ZNF536: variants seen among roughly 807,000 people sequenced by gnomAD.
ZNF536 encodes zinc finger protein 536.
A neutral mutation model predicts 84.5 loss-of-function variants in ZNF536; 13 were observed. The ratio of observed to expected loss-of-function variants is 0.15; its 90% confidence interval spans 0.10 to 0.24. ZNF536 has a LOEUF of 0.24. Ranked by LOEUF, ZNF536 falls within the 10% of genes least tolerant of loss-of-function variation. The pLI is 1.00. For missense variants in ZNF536, 1,536 were observed against 1,747.5 expected, an observed-to-expected ratio of 0.88 and a Z score of 2.16; for synonymous variants, 811 against 742.5, an observed-to-expected ratio of 1.09 and a Z score of -1.50.
At chr19:30,613,217 A>AT (rs1189122151) in intron 1 of ZNF536, among the ~76,000 whole-genome samples, 3 of 152,064 alleles carry the variant, frequency 2.0e-5, no homozygotes, top group African/African-American at 4.8e-5. Flanking sequence ...TCAGCTGTCA[A>AT]TTTTTTTATG....
intron 2 of ZNF536, among the ~76,000 whole-genome samples, chr19:30,342,842 A>G (rs927629356): frequency 2.6e-5 from 4 of 152,370 alleles, no homozygotes; most frequent in African/African-American, 9.6e-5. Context: ...AATTGAAAGA[A>G]GTAAGAAAAA....
At chr19:30,281,351 G>A (rs987441347) in intron 1 of ZNF536, among the ~76,000 whole-genome samples, 2 of 152,138 alleles carry the variant, frequency 1.3e-5, no homozygotes, top group African/African-American at 4.8e-5. Context: ...GGAAGTTGCG[G>A]CCACTCTGTT....
At chr19:30,414,170 C>T (rs2050616721) in intron 1 of ZNF536, among the ~76,000 whole-genome samples, 1 of 147,614 alleles carries the variant, frequency 6.8e-6, no homozygotes, top group Non-Finnish European at 1.5e-5. Flanking sequence ...TATGATACTA[C>T]TATTTCACTA....
chr19:30,329,859 C>T (rs1437897970), intron 2 of ZNF536, among the ~76,000 whole-genome samples: 1 of 152,098 alleles, frequency 6.6e-6, no homozygotes, highest in Non-Finnish European at 1.5e-5. Context: ...CTTTCTCTAC[C>T]AAATTTCTGA....
At chr19:30,500,426 G>A (rs1421800389) in intron 2 of ZNF536, among the ~76,000 whole-genome samples, 2 of 149,810 alleles carry the variant, frequency 1.3e-5, no homozygotes, top group African/African-American at 4.9e-5. Flanking sequence ...AGTGGGATGG[G>A]TGTGGGTCTC....
In ZNF536 at chr19:30,295,845, C is replaced by T. The variant is rs73927004; in HGVS notation, c.-120+11704C>T. ...ATTGAGGGGCAAAGCAGGCAGGATC[C>T]TTGGTCCCTCTTGTTGCCAGATGTG... On this transcript the variant is annotated intron_variant, in intron 2 of 5. Transcript: ENST00000585628. 9.8e-3 allele frequency among the ~76,000 whole-genome samples: 1,485 copies of T among 152,284 alleles called. 30 individuals are homozygous for T. Among genetic ancestry groups the T allele is most frequent in the African/African-American group, 0.034 (1,419 of 41,546 alleles).
intron 2 of ZNF536, among the ~76,000 whole-genome samples, chr19:30,298,612 A>G (rs1456607414): frequency 6.6e-6 from 1 of 152,226 alleles, no homozygotes; most frequent in African/African-American, 2.4e-5. Context: ...AGGAGACTTG[A>G]GACCAAGGAA....
At chr19:30,635,747 G>A (rs931094506) in intron 1 of ZNF536, among the ~76,000 whole-genome samples, 2 of 152,212 alleles carry the variant, frequency 1.3e-5, no homozygotes, top group Admixed American at 6.5e-5. Flanking sequence ...GAGGAGTTCC[G>A]GACTGCCTCC....
intron 1 of ZNF536, among the ~76,000 whole-genome samples, chr19:30,564,212 G>A (rs1033872573): frequency 2.6e-5 from 4 of 152,202 alleles, no homozygotes; most frequent in African/African-American, 4.8e-5. Flanking sequence ...GCACATGCCT[G>A]TGCTCCCAGC....
At chr19:30,667,281 G>T (rs925573504) in intron 1 of ZNF536, among the ~76,000 whole-genome samples, 2 of 152,226 alleles carry the variant, frequency 1.3e-5, no homozygotes, top group African/African-American at 4.8e-5. Flanking sequence ...CTGAGGCTCA[G>T]AGGAGCAATC....
intron 1 of ZNF536, among the ~76,000 whole-genome samples, chr19:30,274,327 A>G (rs1451371828): frequency 6.6e-6 from 1 of 152,252 alleles, no homozygotes; most frequent in African/African-American, 2.4e-5. Flanking sequence ...TATAGTGCAA[A>G]CCACAAGTAC....
rs2053813188 is a variant in ZNF536 at position 30,475,617 on chromosome 19, A to AGCAG, written c.2170+29891_2170+29894dup. On this transcript the variant is annotated intron_variant, in intron 2 of 4. Transcript: ENST00000355537. ...AGTAGGCATCTTGTCTGTGTCTTGG[A>AGCAG]GCAGGCAGGAAAGCAGTCTCTGGGG... is the stretch of plus-strand genomic sequence containing the variant. Among the ~76,000 whole-genome samples, 4 of 152,172 alleles carry AGCAG rather than the reference A, an allele frequency of 2.6e-5. No homozygotes were observed. In the South Asian group the frequency reaches 8.3e-4, roughly 32 times the overall value.
chr19:30,417,654 C>G (rs1314366301), intron 1 of ZNF536, among the ~76,000 whole-genome samples: 1 of 152,168 alleles, frequency 6.6e-6, no homozygotes, highest in African/African-American at 2.4e-5. Flanking sequence ...ACTTCCATAA[C>G]AATATTTAAG....
chr19:30,602,277 CCTTCTTT>C (rs1260178426), intron 1 of ZNF536, among the ~76,000 whole-genome samples: 1 of 152,196 alleles, frequency 6.6e-6, no homozygotes, highest in Non-Finnish European at 1.5e-5. Context: ...TGTCTGGATT[CCTTCTTT>C]CTTCTTTCAA....
intron 1 of ZNF536, among the ~76,000 whole-genome samples, chr19:30,617,776 C>A (rs1425161321): frequency 6.6e-6 from 1 of 152,108 alleles, no homozygotes; most frequent in African/African-American, 2.4e-5. Flanking sequence ...TGAGTAATTT[C>A]TATCTTTAAA....
At chr19:30,474,065 T>C (rs28581779) in intron 2 of ZNF536, among the ~76,000 whole-genome samples, 18,015 of 152,188 alleles carry the variant, frequency 0.12, 1,700 homozygotes, top group East Asian at 0.36. Flanking sequence ...GAAGTGAGAC[T>C]TTTGTGATGT....
At chr19:30,622,634 G>C (rs1323309122) in intron 1 of ZNF536, among the ~76,000 whole-genome samples, 1 of 152,172 alleles carries the variant, frequency 6.6e-6, no homozygotes, top group Non-Finnish European at 1.5e-5. Context: ...TGTATTTTCA[G>C]ACTATCTGGG....
chr19:30,518,537 C>A (rs965674448), intron 2 of ZNF536, among the ~76,000 whole-genome samples: 2 of 152,214 alleles, frequency 1.3e-5, no homozygotes, highest in African/African-American at 4.8e-5. Flanking sequence ...AACCTTGCAA[C>A]ATTTAGTTGT....
chr19:30,577,920 G>A (rs2046794458), intron 1 of ZNF536, among the ~76,000 whole-genome samples: 1 of 152,176 alleles, frequency 6.6e-6, no homozygotes. Context: ...AGTTTCCTGT[G>A]GTGGGGATGA....
Sources: allele counts gnomAD v4.1 joint callset (sites outside exome capture counted in the v4.1 genomes callset), GRCh38; gene constraint gnomAD v4.1.1; transcripts MANE v1.5; gene names NCBI Gene and HGNC (gene_info 2026-07-23, HGNC 2026-07-21).